IMMP2L: variants seen among roughly 807,000 people sequenced by gnomAD.
The protein encoded by IMMP2L is mitochondrial inner membrane protease subunit 2.
In IMMP2L, 18 loss-of-function variants were observed where a neutral mutation model predicts 19.3. The ratio of observed to expected loss-of-function variants is 0.93; its 90% CI spans 0.64 to 1.38. The LOEUF is 1.38. IMMP2L is among the 40% of genes most tolerant of loss of function. IMMP2L has a pLI of 0.00. For synonymous variants in IMMP2L, 76 were observed against 73.0 expected (o/e 1.04, Z -0.21); for missense variants, 233 against 218.2 (o/e 1.07, Z -0.43).
At chr7:111,300,749 G>A (rs749892381) in intron 3 of IMMP2L, among the ~76,000 whole-genome samples, 1 of 152,018 alleles carries the variant, frequency 6.6e-6, no homozygotes, top group Non-Finnish European at 1.5e-5. Context: ...AAAATTCCCT[G>A]GAGATTCAGC....
chr7:110,848,165 A>G (rs933512644), intron 5 of IMMP2L, among the ~76,000 whole-genome samples: 1 of 152,152 alleles, frequency 6.6e-6, no homozygotes, highest in African/African-American at 2.4e-5. Flanking sequence ...GAAATGTCTG[A>G]TAGAGAACTA....
At chr7:110,829,044 A>G (rs1390932268) in intron 5 of IMMP2L, among the ~76,000 whole-genome samples, 2 of 152,184 alleles carry the variant, frequency 1.3e-5, no homozygotes, top group Non-Finnish European at 2.9e-5. Flanking sequence ...ATGGCTATTT[A>G]AAGTTTATAT....
intron 5 of IMMP2L, among the ~76,000 whole-genome samples, chr7:110,788,195 A>G (rs1031149817): frequency 6.6e-6 from 1 of 152,000 alleles, no homozygotes; most frequent in Admixed American, 6.6e-5. Flanking sequence ...AACTCTTCGA[A>G]ATAGATGTTC....
At chr7:111,182,682 G>A (rs541213911) in intron 3 of IMMP2L, among the ~76,000 whole-genome samples, 1 of 151,904 alleles carries the variant, frequency 6.6e-6, no homozygotes, top group Non-Finnish European at 1.5e-5. Flanking sequence ...CTGAGGTGGA[G>A]GTAAGAATGT....
chr7:111,084,942 G>A (rs918298534), intron 3 of IMMP2L, among the ~76,000 whole-genome samples: 1 of 152,176 alleles, frequency 6.6e-6, no homozygotes, highest in African/African-American at 2.4e-5. Flanking sequence ...TGAGTAACAA[G>A]TAAATGTATG....
intron 5 of IMMP2L, among the ~76,000 whole-genome samples, chr7:110,791,692 C>A (rs1169375467): frequency 6.6e-6 from 1 of 151,734 alleles, no homozygotes; most frequent in Non-Finnish European, 1.5e-5. Context: ...CCACAGTAAG[C>A]CCCCTAATAC....
chr7:110,819,368 T>C (rs1023509040), intron 5 of IMMP2L, among the ~76,000 whole-genome samples: 1 of 151,998 alleles, frequency 6.6e-6, no homozygotes, highest in African/African-American at 2.4e-5. Context: ...CTATATGATA[T>C]GAACTTTACC....
rs189904286 is a variant in IMMP2L, at chr7:111,320,365, T to C, written c.239+166873A>G. 3.1e-3 allele frequency among the ~76,000 whole-genome samples: 467 copies of C among 151,652 alleles called. 2 individuals are homozygous for C. The highest frequency in any genetic ancestry group is 0.011 in the African/African-American group (436 of 40,984). Reference sequence around the variant, plus strand: ...AAATTCTTGTTCACTCATGCAACTATTCATTTCTCTCTCACTTCCTCAGCA... The same window carrying C: ...AAATTCTTGTTCACTCATGCAACTACTCATTTCTCTCTCACTTCCTCAGCA... On this transcript the variant is annotated intron_variant, in intron 3 of 5. Coordinates refer to ENST00000405709, the MANE Select transcript of IMMP2L (RefSeq NM_032549.4).
rs1021206282 is a variant in IMMP2L, at chr7:111,411,514, C to T, written c.239+75724G>A. The stretch of plus-strand genomic sequence containing the variant: ...GCTGTATTGACATTATGGAGAACTG[C>T]TTCATTAGAATAAAGTCCAGAGGTA... On this transcript the variant is annotated intron_variant, in intron 3 of 5. Transcript: ENST00000405709. The T allele has an allele frequency of 4.7e-6, 2 of 429,544 alleles. 1 individual carries two copies. The highest frequency in any genetic ancestry group is 3.6e-5 in the South Asian group (2 of 55,174). The allele number at this position is 429,544 out of a possible 1,614,324, so 26.6% of individuals were successfully genotyped here.
chr7:110,666,269 TTGTTTG>T (rs1158499309), intron 5 of IMMP2L, among the ~76,000 whole-genome samples: 1 of 127,774 alleles, frequency 7.8e-6, no homozygotes, highest in African/African-American at 4.8e-5. Flanking sequence ...GGTTTCTTGT[TTGTTTG>T]TTTGTTTGTT....
At chr7:111,206,934 G>C (rs1023594070) in intron 3 of IMMP2L, among the ~76,000 whole-genome samples, 6 of 152,012 alleles carry the variant, frequency 3.9e-5, no homozygotes, top group African/African-American at 1.4e-4. Flanking sequence ...TTTCAAATAA[G>C]TGGATAAAAA....
intron 1 of IMMP2L, among the ~76,000 whole-genome samples, chr7:111,540,381 G>A (rs181623284): frequency 2.0e-5 from 3 of 152,110 alleles, no homozygotes; most frequent in African/African-American, 7.2e-5. Context: ...ATTGCAGAAC[G>A]GCACTTCACT....
At chr7:110,701,725 G>A (rs1246350583) in intron 5 of IMMP2L, among the ~76,000 whole-genome samples, 3 of 151,832 alleles carry the variant, frequency 2.0e-5, no homozygotes, top group African/African-American at 4.8e-5. Flanking sequence ...GTGCCCAGAC[G>A]ACAAAAGAAT....
chr7:111,513,334 G>T (rs1845615484), intron 2 of IMMP2L, among the ~76,000 whole-genome samples: 1 of 151,936 alleles, frequency 6.6e-6, no homozygotes, highest in Admixed American at 6.6e-5. Context: ...CATACAAATG[G>T]CCCAGAAGCA....
At chr7:111,560,049 A>C (rs1791848140) in intron 1 of IMMP2L, among the ~76,000 whole-genome samples, 1 of 152,184 alleles carries the variant, frequency 6.6e-6, no homozygotes, top group African/African-American at 2.4e-5. Context: ...CATATGTTCC[A>C]TATATAATAC....
At chr7:110,790,619 G>C (rs1251255104) in intron 5 of IMMP2L, among the ~76,000 whole-genome samples, 1 of 151,642 alleles carries the variant, frequency 6.6e-6, no homozygotes, top group Non-Finnish European at 1.5e-5. Flanking sequence ...GAGTAATCAA[G>C]GATGGGTTCC....
chr7:111,307,791 A>G (rs1823040284), intron 3 of IMMP2L, among the ~76,000 whole-genome samples: 1 of 151,828 alleles, frequency 6.6e-6, no homozygotes, highest in Admixed American at 6.6e-5. Flanking sequence ...TGGCCATAGC[A>G]ATACAATTTT....
chr7:111,237,956 G>C (rs1814534583), intron 3 of IMMP2L, among the ~76,000 whole-genome samples: 1 of 152,004 alleles, frequency 6.6e-6, no homozygotes, highest in Non-Finnish European at 1.5e-5. Flanking sequence ...AATGCACAAA[G>C]AGCACCTAAC....
intron 5 of IMMP2L, among the ~76,000 whole-genome samples, chr7:110,778,942 C>A (rs138079384): frequency 1.2e-3 from 185 of 152,058 alleles, no homozygotes; most frequent in African/African-American, 4.2e-3. Flanking sequence ...GAACATCCAG[C>A]TGGGAAGTGG....
Sources: allele counts gnomAD v4.1 joint callset (sites outside exome capture counted in the v4.1 genomes callset), GRCh38; gene constraint gnomAD v4.1.1; transcripts MANE v1.5; gene names NCBI Gene and HGNC (gene_info 2026-07-23, HGNC 2026-07-21).